The following NFE2L1 variants were observed in gnomAD, a reference collection of about 807,000 sequenced individuals.
NFE2L1 encodes the protein endoplasmic reticulum membrane sensor NFE2L1.
In NFE2L1, 18 loss-of-function variants were observed where a neutral mutation model predicts 61.6. The ratio of observed to expected loss-of-function variants is 0.29; its 90% CI spans 0.20 to 0.43. The LOEUF (loss-of-function observed/expected upper bound fraction) is 0.43, where lower values mean the gene tolerates loss of function less well. Among genes scored for constraint, NFE2L1 ranks in the 20% least tolerant of loss-of-function variants. The probability of loss-of-function intolerance (pLI) is 1.00; values close to 1 mark genes in which losing one functional copy is unlikely to be tolerated. For missense variants in NFE2L1, 827 were observed against 973.5 expected, an observed-to-expected ratio of 0.85 and a Z score of 2.00; for synonymous variants, 419 against 402.7, an observed-to-expected ratio of 1.04 and a Z score of -0.48.
chr17:48,059,563 T>G lies in NFE2L1; in HGVS notation c.2241T>G (p.Ser747Arg), dbSNP rs530293544. The G allele has an allele frequency of 5.0e-6, 8 of 1,608,094 alleles. No homozygotes were observed. In the East Asian group the frequency reaches 1.8e-4, roughly 36 times the overall value. The change falls in exon 6 of 6, where the codon AGT becomes AGG. Residue 747 changes from serine (S) to arginine (R), a missense_variant. Around this residue, in one of 3 missense-constraint regions of NFE2L1, gnomAD observed 86 missense variants for 97.3 expected, o/e 0.88. Coordinates refer to ENST00000362042, the MANE Select transcript of NFE2L1 (RefSeq NM_003204.3). This position sits in a 1 kb window ranked among gnomAD's most constrained non-coding sequence, Gnocchi z 6.1. Reference protein sequence around the residue: ...QYALQYAGDGSVLLIPRTMAD... With the variant: ...QYALQYAGDGRVLLIPRTMAD... ...CGCTCCAGTACGCCGGGGACGGCAG[T>G]GTCCTCCTCATCCCCCGCACGATGG...
chr17:48,060,759 AAC>A lies in NFE2L1; in HGVS notation c.*1122_*1123del, dbSNP rs2037532387. 1 of 152,652 alleles carries A rather than the reference AAC, an allele frequency of 6.6e-6. No homozygotes were observed. The highest frequency in any genetic ancestry group is 2.1e-4 in the South Asian group (1 of 4,832). 9.5% of individuals were successfully genotyped at this position (152,652 alleles called of 1,614,324 possible). On this transcript the variant is annotated 3_prime_UTR_variant, in exon 6 of 6. Transcript: ENST00000362042. ...CAACAACTGGGCTTATCACTGGGAA[AAC>A]ACAAAAAATTACACAACCCAGCAAC...
At chr17:48,056,846 A>C (rs536320003) in intron 3 of NFE2L1, among the ~76,000 whole-genome samples, 186 bp from the exon 4 acceptor site, 3 of 151,778 alleles carry the variant, frequency 2.0e-5, no homozygotes, top group Middle Eastern at 3.4e-3. Flanking sequence ...AGCATGTAGC[A>C]TCTTCCTGCT....
At chr17:48,049,455 C>T (rs2037187978) in intron 1 of NFE2L1, among the ~76,000 whole-genome samples, 1 of 151,930 alleles carries the variant, frequency 6.6e-6, no homozygotes, top group African/African-American at 2.4e-5. Flanking sequence ...TGCAGTGGCG[C>T]GATATCGGCC....
rs762327556 is a variant in NFE2L1, at chr17:48,056,524, G to T, written c.649G>T (p.Ala217Ser). 2.8e-5 allele frequency: 46 copies of T among 1,614,082 alleles called. No homozygotes were observed. In the Middle Eastern group the frequency reaches 4.9e-4, roughly 17 times the overall value. ...LRDGGEQDTW[A>S]GEGAEALARN... ...AGATGGAGGCGAGCAGGACACCTGG[G>T]CAGGCGAGGGCGCGGAAGCTCTGGC... The change falls in exon 3 of 6, where the codon GCA becomes TCA. Residue 217 changes from alanine to serine, a missense_variant. Physicochemically the swap from Ala to Ser is moderately conservative, Grantham distance 99. Coordinates refer to ENST00000362042, the MANE Select transcript of NFE2L1 (RefSeq NM_003204.3).
chr17:48,061,103 C>G lies in NFE2L1; in HGVS notation c.*1462C>G, dbSNP rs531075290. 2 of 152,686 alleles carry G rather than the reference C, an allele frequency of 1.3e-5. No homozygotes were observed. Among genetic ancestry groups the G allele is most frequent in the Admixed American group, 1.3e-4 (2 of 15,308 alleles). 9.5% of individuals were successfully genotyped at this position (152,686 alleles called of 1,614,324 possible). On this transcript the variant is annotated 3_prime_UTR_variant, in exon 6 of 6. Coordinates refer to ENST00000362042, the MANE Select transcript of NFE2L1 (RefSeq NM_003204.3). ...CAGCCACAGGCAGCTTCTCCACAGC[C>G]CCAGCTTCGCACAGGCTCCTGGAGG...
rs759256336 is a variant in NFE2L1, at chr17:48,059,440, C to T, written c.2118C>T (p.Ser706=). The change falls in exon 6 of 6, where the codon TCC becomes TCT. Residue 706 remains serine (S), a synonymous_variant. Transcript: ENST00000362042. This position sits in a 1 kb window ranked among gnomAD's most constrained non-coding sequence, Gnocchi z 6.1. ...GGGAGAAAGTGGAGTTCCTGCGCTCCCTGCGACAGATGAAGCAGAAGGTCC... is the reference window on the plus strand; with the variant it reads ...GGGAGAAAGTGGAGTTCCTGCGCTCTCTGCGACAGATGAAGCAGAAGGTCC... ...LLREKVEFLR[S]LRQMKQKVQS... is the part of the protein sequence containing the mutation. 11 of 1,614,054 alleles carry T rather than the reference C, an allele frequency of 6.8e-6. No individual in the cohort carries two copies. The highest frequency in any genetic ancestry group is 9.3e-6 in the Non-Finnish European group (11 of 1,180,038).
chr17:48,056,310 G>C (rs990998062), intron 2 of NFE2L1, 76 bp from the exon 3 acceptor site: 2 of 1,565,050 alleles, frequency 1.3e-6, no homozygotes, highest in Admixed American at 1.7e-5. Context: ...GGTGACACTA[G>C]GAGGGAACTC....
chr17:48,048,663 G>C (rs992740543), intron 1 of NFE2L1: 2 of 152,344 alleles, frequency 1.3e-5, no homozygotes, highest in African/African-American at 4.8e-5. Context: ...GATGGACTGG[G>C]CAGGGTTGAG....
In NFE2L1 at chr17:48,051,004, G is replaced by C. The variant is rs886333328; in HGVS notation, c.-115G>C. Reference sequence around the variant, plus strand: ...CTTGTGTTCTGCCAGGGTGGGGTACGGGGTTTGACACTGAGGAGGGTAACC... The same window carrying C: ...CTTGTGTTCTGCCAGGGTGGGGTACCGGGTTTGACACTGAGGAGGGTAACC... On this transcript the variant is annotated 5_prime_UTR_variant, in exon 2 of 6. Coordinates refer to ENST00000362042, the MANE Select transcript of NFE2L1 (RefSeq NM_003204.3). The C allele has an allele frequency of 1.5e-6, 2 of 1,290,878 alleles. No homozygotes were observed. The highest frequency in any genetic ancestry group is 2.3e-4 in the Middle Eastern group (1 of 4,284). The allele number at this position is 1,290,878 out of a possible 1,614,324, so 80.0% of individuals were successfully genotyped here. A position where few individuals can be genotyped will look rare whatever the true frequency, so the allele number is the denominator to read the frequency against.
chr17:48,058,798 C>A lies in NFE2L1; in HGVS notation c.1476C>A (p.Ser492Arg). 1 of 1,614,170 alleles carries A rather than the reference C, an allele frequency of 6.2e-7. No individual in the cohort carries two copies. The highest frequency in any genetic ancestry group is 8.5e-7 in the Non-Finnish European group (1 of 1,180,022). ...GCCATAGCCCTTCTTCCCTAAGCAG[C>A]TCTGAAGGCAGTTCTTCCTCTTCTT... ...DSSHSPSSLS[S>R]SEGSSSSSSS... is the part of the protein sequence containing the mutation. Residue 492 changes from serine to arginine, a missense_variant, in exon 6 of 6, where the codon AGC becomes AGA. Transcript: ENST00000362042.
intron 1 of NFE2L1, among the ~76,000 whole-genome samples, chr17:48,049,412 G>A (rs2037186708): frequency 6.6e-6 from 1 of 151,012 alleles, no homozygotes; most frequent in African/African-American, 2.4e-5. Context: ...CTTTTTTTGA[G>A]ACGGAGTTTT....
chr17:48,058,990 C>A lies in NFE2L1; in HGVS notation c.1668C>A (p.Tyr556Ter). ...PEYSKFCRMSYQDPAQLSCLP... is the reference protein window; with the variant it reads ...PEYSKFCRMS ...ATTCCAAGTTCTGCCGCATGAGCTACCAGGATCCAGCTCAGCTCTCATGCC... is the reference window on the plus strand; with the variant it reads ...ATTCCAAGTTCTGCCGCATGAGCTAACAGGATCCAGCTCAGCTCTCATGCC... Residue 556 changes from tyrosine to a stop codon, truncating the protein, a stop_gained, in exon 6 of 6, where the codon TAC becomes TAA. Transcript: ENST00000362042. LOFTEE classifies it high-confidence loss of function. The A allele has an allele frequency of 6.2e-7, 1 of 1,614,052 alleles. No individual in the cohort carries two copies. Among genetic ancestry groups the A allele is most frequent in the Non-Finnish European group, 8.5e-7 (1 of 1,180,006 alleles).
chr17:48,056,070 T>A, intron 2 of NFE2L1: 1 of 314,304 alleles, frequency 3.2e-6, no homozygotes, highest in South Asian at 5.0e-5. Flanking sequence ...TTCTTTCTTA[T>A]GTAGGGGGGA....
rs190562480 is a variant in NFE2L1, at chr17:48,051,202, G to A, written c.84G>A (p.Val28=). 2.5e-6 allele frequency: 4 copies of A among 1,614,136 alleles called. No individual in the cohort carries two copies. The highest frequency in any genetic ancestry group is 3.4e-6 in the Non-Finnish European group (4 of 1,180,016). Residue 28 remains valine (V), a synonymous_variant, in exon 2 of 6, where the codon GTG becomes GTA. Transcript: ENST00000362042. ...GTTTGATTGGGGTACGGGTGGACGT[G>A]GATACTTACCTGACCTCACAGCTTC... is the stretch of plus-strand genomic sequence containing the variant. ...LLSLIGVRVD[V]DTYLTSQLPP...
rs758658951 is a variant in NFE2L1 at position 48,058,496 on chromosome 17, A to T, written c.1174A>T (p.Thr392Ser). 9 of 1,613,162 alleles carry T rather than the reference A, an allele frequency of 5.6e-6. No individual in the cohort carries two copies. Among genetic ancestry groups the T allele is most frequent in the Non-Finnish European group, 7.6e-6 (9 of 1,179,554 alleles). ...AAGCCTGCCTGTGGCCAGTAGCTCC[A>T]CGCTGCTCCCGTTGGCCCCCAGCAA... ...VESLPVASSS[T>S]LLPLAPSNST... Residue 392 changes from threonine (T) to serine (S), a missense_variant, in exon 6 of 6, where the codon ACG (threonine) becomes TCG (serine). Physicochemically the swap from Thr to Ser is moderately conservative, Grantham distance 58. This residue lies in a region of NFE2L1 where 667 missense variants were observed against 748.4 expected (regional missense o/e 0.89). Coordinates refer to ENST00000362042, the MANE Select transcript of NFE2L1 (RefSeq NM_003204.3).
intron 2 of NFE2L1, among the ~76,000 whole-genome samples, chr17:48,054,152 A>G (rs2037326427): frequency 6.6e-6 from 1 of 152,156 alleles, no homozygotes; most frequent in Non-Finnish European, 1.5e-5. Flanking sequence ...CCAGCAAATA[A>G]TTTAGATTCC....
chr17:48,057,581 A>G, intron 5 of NFE2L1, 79 bp downstream of exon 5: 1 of 1,500,108 alleles, frequency 6.7e-7, no homozygotes, highest in Non-Finnish European at 9.0e-7. Context: ...TTCCATCTCC[A>G]AGGAGAGAAA....
rs372463133 is a variant in NFE2L1 at position 48,049,822 on chromosome 17, T to G, written c.-512-785T>G. 4.3e-4 allele frequency among the ~76,000 whole-genome samples: 66 copies of G among 152,370 alleles called. 2 individuals are homozygous for G. The South Asian group carries it at 0.014, about 32-fold the overall frequency. On this transcript the variant is annotated intron_variant, in intron 1 of 5. Coordinates refer to ENST00000362042, the MANE Select transcript of NFE2L1 (RefSeq NM_003204.3). Reference sequence around the variant, plus strand: ...TTTGTCCTTCCACACTCTCACTGTTTAATAATCTTGCCTTTTTGAACTGAG... The same window carrying G: ...TTTGTCCTTCCACACTCTCACTGTTGAATAATCTTGCCTTTTTGAACTGAG...
rs749639410 is a variant in NFE2L1 at position 48,051,244 on chromosome 17, C to T, written c.126C>T (p.Ile42=). The T allele has an allele frequency of 4.6e-5, 75 of 1,614,160 alleles. No individual in the cohort carries two copies. In the South Asian group the frequency reaches 7.8e-4, roughly 17 times the overall value. ...LTSQLPPLRE[I]ILGPSSAYTQ... is the part of the protein sequence containing the mutation. ...CACAGCTTCCCCCACTCCGGGAGAT[C>T]ATCCTGGGGCCCAGTTCTGCCTATA... Residue 42 remains isoleucine, a synonymous_variant, in exon 2 of 6, where the codon ATC becomes ATT. Transcript: ENST00000362042.
Sources: allele counts gnomAD v4.1 joint callset (sites outside exome capture counted in the v4.1 genomes callset), GRCh38; gene constraint gnomAD v4.1.1; regional missense constraint gnomAD v4.1.1; non-coding constraint Gnocchi (gnomAD v3.1); transcripts MANE v1.5; gene names NCBI Gene and HGNC (gene_info 2026-07-23, HGNC 2026-07-21).